The following COL5A2 variants were observed in gnomAD, a reference collection of about 807,000 sequenced individuals.
The protein encoded by COL5A2 is collagen type V alpha 2 chain, also known as collagen alpha-2(V) chain.
COL5A2 carries 23 observed loss-of-function variants against 208.2 expected under a neutral mutation model. The observed-to-expected ratio is 0.11, with a 90% CI of 0.08 to 0.16. The LOEUF is 0.16. Among genes scored for constraint, COL5A2 ranks in the 10% least tolerant of loss-of-function variants. The probability of loss-of-function intolerance (pLI) is 1.00; values close to 1 mark genes in which losing one functional copy is unlikely to be tolerated. For missense variants in COL5A2, 1,590 were observed against 1,956.4 expected (o/e 0.81, Z 3.53); for synonymous variants, 625 against 628.5 (o/e 0.99, Z 0.08).
At chr2:189,175,021 C>T (rs1260089743) in intron 1 of COL5A2, among the ~76,000 whole-genome samples, 1 of 152,176 alleles carries the variant, frequency 6.6e-6, no homozygotes, top group African/African-American at 2.4e-5. Flanking sequence ...TCTAGTCACA[C>T]AACTATATTT....
At chr2:189,098,789 G>A (rs768647594) in intron 4 of COL5A2, 30 bp from the exon 5 acceptor site, 10 of 1,590,646 alleles carry the variant, frequency 6.3e-6, no homozygotes. Flanking sequence ...ATTTGTAAAG[G>A]TAAAGTTTCT....
chr2:189,285,862 G>C, the COL5A2 span, among the ~76,000 whole-genome samples: 1 of 152,092 alleles, frequency 6.6e-6, no homozygotes, highest in Non-Finnish European at 1.5e-5. Flanking sequence ...AAGCAAATGA[G>C]TGGACAGATG....
the COL5A2 span, among the ~76,000 whole-genome samples, chr2:189,318,283 A>C: frequency 6.6e-6 from 1 of 152,202 alleles, no homozygotes; most frequent in Non-Finnish European, 1.5e-5. Context: ...GGGATAAAAA[A>C]TACCAATTAA....
intron 1 of COL5A2, among the ~76,000 whole-genome samples, chr2:189,119,827 A>T (rs537085006): frequency 2.6e-5 from 4 of 152,084 alleles, no homozygotes; most frequent in Non-Finnish European, 5.9e-5. Flanking sequence ...AGGAGTATAA[A>T]ATTTAGTTTG....
At chr2:189,154,155 C>T (rs1159849321) in intron 1 of COL5A2, among the ~76,000 whole-genome samples, 2 of 152,128 alleles carry the variant, frequency 1.3e-5, no homozygotes, top group East Asian at 3.9e-4. Context: ...ATGCAGACAA[C>T]TCACAGCTCT....
Position 189,036,728 on chromosome 2 carries a change from T to TC in COL5A2, c.4000dup (p.Glu1334GlyfsTer14). On this transcript the variant is annotated frameshift_variant, in exon 52 of 54. Coordinates refer to ENST00000374866, the MANE Select transcript of COL5A2 (RefSeq NM_000393.5). LOFTEE classifies it high-confidence loss of function. Reference sequence around the variant, plus strand: ...GGATGGGTTTGCTGAAATACATGTTTCTCCTGTTTCCATGTTGCAGTAAAC... The same window carrying TC: ...GGATGGGTTTGCTGAAATACATGTTTCCTCCTGTTTCCATGTTGCAGTAAAC... 1 of 1,613,714 alleles carries TC rather than the reference T, an allele frequency of 6.2e-7. No individual in the cohort carries two copies. Among genetic ancestry groups the TC allele is most frequent in the Non-Finnish European group, 8.5e-7 (1 of 1,179,708 alleles).
chr2:189,118,412 C>T (rs1401439803), intron 1 of COL5A2, among the ~76,000 whole-genome samples: 1 of 152,032 alleles, frequency 6.6e-6, no homozygotes, highest in Non-Finnish European at 1.5e-5. Flanking sequence ...CATTTTGCCT[C>T]CTTTTTCAAT....
intron 1 of COL5A2, among the ~76,000 whole-genome samples, chr2:189,190,708 C>T (rs1396248639): frequency 6.6e-6 from 1 of 152,186 alleles, no homozygotes; most frequent in East Asian, 1.9e-4. Flanking sequence ...AGTTACTGTG[C>T]TCCTAATGCA....
chr2:189,298,299 A>G, the COL5A2 span, among the ~76,000 whole-genome samples: 2 of 152,142 alleles, frequency 1.3e-5, no homozygotes, highest in Admixed American at 1.3e-4. Flanking sequence ...AGCCATCCAA[A>G]TCCTGACTCT....
intron 6 of COL5A2, chr2:189,095,155 T>TG (rs71954319): frequency 0.15 from 19,521 of 133,376 alleles, 1,316 homozygotes; most frequent in Middle Eastern, 0.22. Flanking sequence ...ATGGTGGGGG[T>TG]GGGGGAATGC....
chr2:189,061,770 C>A (rs1193127798), intron 29 of COL5A2, among the ~76,000 whole-genome samples, 155 bp from the exon 30 acceptor site: 1 of 152,004 alleles, frequency 6.6e-6, no homozygotes, highest in African/African-American at 2.4e-5. Flanking sequence ...TAATAGTAAC[C>A]AAATGGTATT....
At chr2:189,124,338 G>A (rs13030984) in intron 1 of COL5A2, among the ~76,000 whole-genome samples, 117,006 of 152,018 alleles carry the variant, frequency 0.77, 48,427 homozygotes, top group Non-Finnish European at 0.91. Flanking sequence ...ATATTGATGG[G>A]GGAAAGACTA....
At chr2:189,220,446 G>A (rs1689334338) in intron 1 of COL5A2, among the ~76,000 whole-genome samples, 1 of 144,244 alleles carries the variant, frequency 6.9e-6, no homozygotes, top group Non-Finnish European at 1.5e-5. Flanking sequence ...TACAGTTACA[G>A]CTCTAATAAG....
intron 51 of COL5A2, among the ~76,000 whole-genome samples, chr2:189,037,753 A>G (rs1396396964): frequency 6.6e-6 from 1 of 152,166 alleles, no homozygotes; most frequent in Non-Finnish European, 1.5e-5. Context: ...TTCCAAAAGT[A>G]TGACTCATAG....
intron 1 of COL5A2, among the ~76,000 whole-genome samples, chr2:189,200,864 C>A (rs555004790): frequency 6.6e-6 from 1 of 152,048 alleles, no homozygotes; most frequent in South Asian, 2.1e-4. Flanking sequence ...AATTCTTTCC[C>A]CAGCAAGCTA....
chr2:189,285,588 C>T, the COL5A2 span, among the ~76,000 whole-genome samples: 320 of 152,202 alleles, frequency 2.1e-3, 3 homozygotes, highest in African/African-American at 7.1e-3. Context: ...AGGTCACATA[C>T]CACAGCTACC....
At chr2:189,229,750 T>C (rs1188997620), upstream of COL5A2, among the ~76,000 whole-genome samples, 1 of 151,814 alleles carries the variant, frequency 6.6e-6, no homozygotes, top group African/African-American at 2.4e-5. Context: ...AAAATGTCCA[T>C]ACAACTGAAA....
At chr2:189,088,578 T>TGAATGTAC in intron 8 of COL5A2, 117 bp downstream of exon 8, 3 of 805,888 alleles carry the variant, frequency 3.7e-6, no homozygotes, top group East Asian at 2.6e-5. Context: ...AATGAATGAA[T>TGAATGTAC]GTACGACTGT....
intron 25 of COL5A2, 100 bp downstream of exon 25, chr2:189,064,457 G>A: frequency 1.2e-6 from 1 of 842,686 alleles, no homozygotes; most frequent in South Asian, 1.4e-5. Flanking sequence ...GTTCTAAACT[G>A]TAAAAACAAA....
Sources: gnomAD v4.1 joint callset for allele counts (sites outside exome capture counted in the v4.1 genomes callset) on GRCh38, gnomAD v4.1.1 for gene constraint, MANE v1.5 for transcripts, NCBI Gene and HGNC (gene_info 2026-07-23, HGNC 2026-07-21) for gene names.